Variants in TMEM108 observed in about 807,000 individuals in gnomAD.
The protein encoded by TMEM108 is cancer/testis antigen 124.
In TMEM108, 12 loss-of-function variants were observed where a neutral mutation model predicts 35.1. The ratio of observed to expected loss-of-function variants is 0.34; its 90% confidence interval spans 0.22 to 0.55. The LOEUF (loss-of-function observed/expected upper bound fraction) is 0.55. Ranked by LOEUF, TMEM108 falls within the 20% of genes least tolerant of loss-of-function variation. TMEM108 has a pLI of 0.89. For missense variants in TMEM108, 680 were observed against 753.3 expected (o/e 0.90, Z 1.14); for synonymous variants, 287 against 308.6 (o/e 0.93, Z 0.73).
chr3:133,380,748 T>C lies in TMEM108; in HGVS notation c.1037T>C (p.Leu346Pro). The change falls in exon 4 of 6, where the codon CTG (leucine) becomes CCG (proline). Residue 346 changes from leucine (L) to proline (P), a missense_variant. Physicochemically the swap from Leu to Pro is moderately conservative, Grantham distance 98. This residue lies in a region of TMEM108 where 526 missense variants were observed against 532.1 expected (regional missense o/e 0.99). Transcript: ENST00000321871. The surrounding 1 kb of genome is among the most constrained non-coding windows in gnomAD (Gnocchi z 5.3). Reference protein sequence around the residue: ...LTVTPGTSRPLSTSSGVFTAA... With the variant: ...LTVTPGTSRPPSTSSGVFTAA... ...GTTACCCCTGGCACCAGCAGACCTC[T>C]GTCTACCAGCTCTGGGGTCTTCACG... 3 of 1,614,144 alleles carry C rather than the reference T, an allele frequency of 1.9e-6. No individual in the cohort carries two copies. The highest frequency in any genetic ancestry group is 2.5e-6 in the Non-Finnish European group (3 of 1,180,024).
chr3:133,295,506 C>G (rs963622947), intron 3 of TMEM108, among the ~76,000 whole-genome samples: 1 of 152,226 alleles, frequency 6.6e-6, no homozygotes, highest in Non-Finnish European at 1.5e-5. Context: ...ATTTTGTGAA[C>G]TATAAAGCCC....
intron 3 of TMEM108, among the ~76,000 whole-genome samples, chr3:133,324,517 ATAAC>A (rs1176408691): frequency 7.2e-5 from 11 of 152,248 alleles, no homozygotes; most frequent in African/African-American, 2.7e-4. Context: ...AAATCAATAA[ATAAC>A]ATGTTGGCAT....
chr3:133,164,809 C>T (rs917575592), intron 2 of TMEM108, among the ~76,000 whole-genome samples: 1 of 151,928 alleles, frequency 6.6e-6, no homozygotes, highest in African/African-American at 2.4e-5. Flanking sequence ...TAAATGTTCA[C>T]AAGAGAGGTC....
At chr3:133,121,610 T>G (rs1052174383) in intron 2 of TMEM108, among the ~76,000 whole-genome samples, 1 of 152,212 alleles carries the variant, frequency 6.6e-6, no homozygotes. Flanking sequence ...GTTTTACATA[T>G]GATGAAAATG....
intron 3 of TMEM108, among the ~76,000 whole-genome samples, chr3:133,235,690 A>G (rs1946225715): frequency 6.6e-6 from 1 of 152,154 alleles, no homozygotes; most frequent in South Asian, 2.1e-4. Flanking sequence ...CATAAGGACA[A>G]TCTAACCAGG....
chr3:133,362,866 C>G (rs1227354311), intron 3 of TMEM108, among the ~76,000 whole-genome samples: 3 of 152,174 alleles, frequency 2.0e-5, no homozygotes, highest in African/African-American at 7.2e-5. Context: ...TCACGCTTTA[C>G]AAATGCAAAT....
chr3:133,315,700 G>A (rs2071190855), intron 3 of TMEM108, among the ~76,000 whole-genome samples: 1 of 152,232 alleles, frequency 6.6e-6, no homozygotes. Flanking sequence ...GTCTGTCTCA[G>A]AAATAAAGAC....
At chr3:133,144,366 C>T (rs1205885854) in intron 2 of TMEM108, among the ~76,000 whole-genome samples, 3 of 152,142 alleles carry the variant, frequency 2.0e-5, no homozygotes, top group East Asian at 1.9e-4. Flanking sequence ...TTTATCCAGT[C>T]TATCATTGAG....
At chr3:133,128,105 A>C (rs922379769) in intron 2 of TMEM108, among the ~76,000 whole-genome samples, 11 of 152,198 alleles carry the variant, frequency 7.2e-5, no homozygotes, top group Non-Finnish European at 1.6e-4. Context: ...TTTGCCCCAC[A>C]CCTTGCTTGG....
intron 2 of TMEM108, among the ~76,000 whole-genome samples, chr3:133,184,888 A>G (rs1019819059): frequency 6.6e-6 from 1 of 152,260 alleles, no homozygotes; most frequent in African/African-American, 2.4e-5. Flanking sequence ...TGAAGGCTCA[A>G]AAGGAAAGTC....
intron 3 of TMEM108, among the ~76,000 whole-genome samples, chr3:133,286,971 C>G (rs1301019700): frequency 1.3e-5 from 2 of 152,184 alleles, no homozygotes; most frequent in African/African-American, 4.8e-5. Context: ...AGATTTGCAA[C>G]TAGTTTATAC....
chr3:133,314,407 T>C (rs2071171375), intron 3 of TMEM108, among the ~76,000 whole-genome samples: 1 of 152,200 alleles, frequency 6.6e-6, no homozygotes, highest in Admixed American at 6.5e-5. Flanking sequence ...AAAGCGCTTT[T>C]AGATTATTAG....
chr3:133,128,573 C>G (rs1339256510), intron 2 of TMEM108, among the ~76,000 whole-genome samples: 6 of 152,140 alleles, frequency 3.9e-5, no homozygotes, highest in Admixed American at 2.0e-4. Context: ...TCCCAAGTCT[C>G]TTGGCTGCAA....
intron 2 of TMEM108, among the ~76,000 whole-genome samples, chr3:133,075,654 C>A (rs989296760): frequency 2.0e-5 from 3 of 152,056 alleles, no homozygotes; most frequent in African/African-American, 4.8e-5. Context: ...TGCACCTATC[C>A]TTTTTATCTT....
intron 3 of TMEM108, among the ~76,000 whole-genome samples, chr3:133,311,918 T>C (rs142173779): frequency 0.043 from 6,579 of 152,306 alleles, 444 homozygotes; most frequent in African/African-American, 0.14. Flanking sequence ...TTTTTGTTGA[T>C]GTTGGTGCTA....
intron 3 of TMEM108, among the ~76,000 whole-genome samples, chr3:133,268,444 G>T (rs1164127277): frequency 6.6e-6 from 1 of 152,204 alleles, no homozygotes; most frequent in Admixed American, 6.5e-5. Flanking sequence ...AAAAGTTTGA[G>T]AAGTGCTATT....
At chr3:133,205,583 G>A (rs566193404) in intron 2 of TMEM108, among the ~76,000 whole-genome samples, 2 of 152,326 alleles carry the variant, frequency 1.3e-5, no homozygotes, top group Non-Finnish European at 2.9e-5. Context: ...GGCTGGATAT[G>A]AAATTCTGGG....
intron 3 of TMEM108, among the ~76,000 whole-genome samples, chr3:133,234,455 T>A (rs2107655778): frequency 6.6e-6 from 1 of 152,194 alleles, no homozygotes; most frequent in East Asian, 1.9e-4. Flanking sequence ...TATACGCACA[T>A]CAATAAATGT....
At chr3:133,172,562 GT>G (rs1328048712) in intron 2 of TMEM108, among the ~76,000 whole-genome samples, 2 of 152,224 alleles carry the variant, frequency 1.3e-5, no homozygotes, top group East Asian at 1.9e-4. Context: ...TTGGGCAGGG[GT>G]TTTTTTGTGC....
Sources: gnomAD v4.1 joint callset for allele counts (sites outside exome capture counted in the v4.1 genomes callset) on GRCh38, gnomAD v4.1.1 for gene constraint, gnomAD v4.1.1 regional missense constraint, Gnocchi (gnomAD v3.1) non-coding constraint, MANE v1.5 for transcripts, NCBI Gene and HGNC (gene_info 2026-07-23, HGNC 2026-07-21) for gene names.